Variants in ASAP1 observed in about 807,000 individuals in gnomAD.
ASAP1 encodes ArfGAP with SH3 domain, ankyrin repeat and PH domain 1.
In ASAP1, 43 loss-of-function variants were observed where a neutral mutation model predicts 145.2. That is an observed-to-expected ratio of 0.30 (90% CI 0.23 to 0.38). ASAP1 has a LOEUF of 0.38. Ranked by LOEUF, ASAP1 falls within the 10% of genes least tolerant of loss-of-function variation. ASAP1 has a pLI of 1.00. For synonymous variants in ASAP1, 546 were observed against 515.5 expected (o/e 1.06, Z -0.80); for missense variants, 1,018 against 1,355.3 (o/e 0.75, Z 3.91).
chr8:130,136,869 G>T, intron 14 of ASAP1, 82 bp downstream of exon 14: 1 of 1,212,096 alleles, frequency 8.3e-7, no homozygotes, highest in Non-Finnish European at 1.2e-6. Context: ...GCCCTGCTTG[G>T]AAAAGCTGCT....
At chr8:130,442,402 G>A (rs1212388482) in intron 1 of ASAP1, among the ~76,000 whole-genome samples, 1 of 152,174 alleles carries the variant, frequency 6.6e-6, no homozygotes, top group East Asian at 1.9e-4. Flanking sequence ...TTCACTGGGT[G>A]TTTCCAGAAG....
intron 13 of ASAP1, among the ~76,000 whole-genome samples, chr8:130,141,442 A>C (rs1351130197): frequency 1.3e-5 from 2 of 152,114 alleles, no homozygotes; most frequent in African/African-American, 4.8e-5. Context: ...TCCTCAGAGG[A>C]GGCGGTACCT....
intron 3 of ASAP1, among the ~76,000 whole-genome samples, chr8:130,320,479 C>T (rs1407344185): frequency 1.3e-5 from 2 of 151,804 alleles, no homozygotes; most frequent in African/African-American, 4.8e-5. Context: ...GGCTTGAGCC[C>T]GGGAGGTGGA....
intron 7 of ASAP1, among the ~76,000 whole-genome samples, chr8:130,182,395 G>A (rs1586537394): frequency 6.6e-6 from 1 of 152,178 alleles, no homozygotes; most frequent in Non-Finnish European, 1.5e-5. Context: ...AAACTATAGG[G>A]TTCTCTGTCT....
intron 3 of ASAP1, among the ~76,000 whole-genome samples, chr8:130,310,099 G>C (rs1216712704): frequency 8.3e-6 from 1 of 120,406 alleles, no homozygotes; most frequent in East Asian, 2.9e-4. Context: ...CTTTGTCTCA[G>C]CTTCCTCATC....
chr8:130,355,856 C>G (rs79376657), intron 3 of ASAP1, among the ~76,000 whole-genome samples: 2 of 152,032 alleles, frequency 1.3e-5, no homozygotes, highest in Non-Finnish European at 2.9e-5. Context: ...ATATGCCGAC[C>G]GGAGACAATG....
At chr8:130,163,446 A>C (rs570304488) in intron 11 of ASAP1, among the ~76,000 whole-genome samples, 6 of 152,350 alleles carry the variant, frequency 3.9e-5, no homozygotes, top group Admixed American at 3.9e-4. Context: ...TTAAAGATGA[A>C]TAAAGTGGCT....
At chr8:130,436,460 T>C (rs1348236697) in intron 1 of ASAP1, among the ~76,000 whole-genome samples, 2 of 152,168 alleles carry the variant, frequency 1.3e-5, no homozygotes, top group African/African-American at 4.8e-5. Flanking sequence ...CATGTCTGGC[T>C]AATTTTTGTT....
intron 3 of ASAP1, among the ~76,000 whole-genome samples, chr8:130,256,801 T>G (rs1425974833): frequency 8.5e-5 from 10 of 117,458 alleles, no homozygotes. Context: ...ATATATAAGC[T>G]TTTATTAAAT....
intron 11 of ASAP1, chr8:130,160,640 G>GT: frequency 2.6e-6 from 1 of 377,438 alleles, no homozygotes; most frequent in Non-Finnish European, 4.6e-6. Flanking sequence ...TTTAACCATA[G>GT]TTTCTAAGGA....
At chr8:130,115,525 A>C in intron 23 of ASAP1, 103 bp downstream of exon 23, 1 of 910,242 alleles carries the variant, frequency 1.1e-6, no homozygotes, top group Non-Finnish European at 1.8e-6. Context: ...ACATTGGATC[A>C]TAAAACCACA....
At position 130,199,903 on chromosome 8, in the gene ASAP1, A is replaced by C. The variant is rs951182740; in HGVS notation, c.406-11720T>G. On this transcript the variant is annotated intron_variant, in intron 5 of 29. Coordinates refer to ENST00000518721, the MANE Select transcript of ASAP1 (RefSeq NM_018482.4). Reference sequence around the variant, plus strand: ...TTAGAAAAGTCCATTCATAATTCTTATAACAATTCTCAATTTTTTAGTATA... The same window carrying C: ...TTAGAAAAGTCCATTCATAATTCTTCTAACAATTCTCAATTTTTTAGTATA... Among the ~76,000 whole-genome samples, 5 of 152,248 alleles carry C rather than the reference A, an allele frequency of 3.3e-5. No individual in the cohort carries two copies. In the South Asian group the frequency reaches 6.2e-4, roughly 19 times the overall value.
At chr8:130,115,211 G>A (rs2097553217) in intron 23 of ASAP1, among the ~76,000 whole-genome samples, 1 of 152,206 alleles carries the variant, frequency 6.6e-6, no homozygotes, top group African/African-American at 2.4e-5. Context: ...TGATGTGGGT[G>A]TGCCTCACCT....
chr8:130,273,567 A>G lies in ASAP1; in HGVS notation c.187-36573T>C, dbSNP rs181017986. 3.2e-4 allele frequency among the ~76,000 whole-genome samples: 48 copies of G among 152,330 alleles called. No individual in the cohort carries two copies. The East Asian group carries it at 9.1e-3, about 29-fold the overall frequency. ...CAGGCTTCTGAACCCAGGAGCTTGT[A>G]TTAAGGAGGAGCTCACAGGATCTTG... On this transcript the variant is annotated intron_variant, in intron 3 of 29. Coordinates refer to ENST00000518721, the MANE Select transcript of ASAP1 (RefSeq NM_018482.4).
chr8:130,387,909 T>A (rs768767826), intron 2 of ASAP1, among the ~76,000 whole-genome samples: 1 of 152,202 alleles, frequency 6.6e-6, no homozygotes. Flanking sequence ...AGTGACCTTG[T>A]CCATTAGGAG....
At chr8:130,154,340 C>T (rs1001945975) in intron 12 of ASAP1, among the ~76,000 whole-genome samples, 1 of 152,094 alleles carries the variant, frequency 6.6e-6, no homozygotes, top group Admixed American at 6.5e-5. Flanking sequence ...ATAAAAAAAG[C>T]CAAAGAGAAC....
intron 5 of ASAP1, among the ~76,000 whole-genome samples, chr8:130,209,243 G>C (rs1475553238): frequency 2.0e-5 from 3 of 152,142 alleles, no homozygotes; most frequent in African/African-American, 2.4e-5. Context: ...CATTCTACTA[G>C]TGAGGAAATT....
chr8:130,412,495 A>G (rs1299017572), intron 1 of ASAP1, among the ~76,000 whole-genome samples: 1 of 151,912 alleles, frequency 6.6e-6, no homozygotes, highest in Non-Finnish European at 1.5e-5. Flanking sequence ...CCAGAAGCCG[A>G]GCAGATGCCA....
chr8:130,164,378 T>G (rs1374921536), intron 11 of ASAP1, among the ~76,000 whole-genome samples: 1 of 151,950 alleles, frequency 6.6e-6, no homozygotes, highest in South Asian at 2.1e-4. Context: ...TGAGGTCACT[T>G]GAGGAGTTCG....
Sources: gnomAD v4.1 joint callset for allele counts (sites outside exome capture counted in the v4.1 genomes callset) on GRCh38, gnomAD v4.1.1 for gene constraint, MANE v1.5 for transcripts, NCBI Gene and HGNC (gene_info 2026-07-23, HGNC 2026-07-21) for gene names.